Variants in ERBB4 observed in about 807,000 individuals in gnomAD.
ERBB4 encodes receptor tyrosine-protein kinase erbB-4.
Under a neutral mutation model 158.0 loss-of-function variants are expected in ERBB4, and 42 were observed. That is an observed-to-expected ratio of 0.27 (90% confidence interval 0.21 to 0.34). The LOEUF (loss-of-function observed/expected upper bound fraction) is 0.34. Ranked by LOEUF, ERBB4 falls within the 10% of genes least tolerant of loss-of-function variation. The pLI, the probability that ERBB4 is intolerant of heterozygous loss-of-function variation, is 1.00. For synonymous variants in ERBB4, 583 were observed against 558.7 expected, an observed-to-expected ratio of 1.04 and a Z score of -0.61; for missense variants, 1,333 against 1,624.1, an observed-to-expected ratio of 0.82 and a Z score of 3.08.
At chr2:211,732,901 C>T (rs547440392) in intron 5 of ERBB4, among the ~76,000 whole-genome samples, 4 of 152,262 alleles carry the variant, frequency 2.6e-5, no homozygotes, top group East Asian at 3.9e-4. Context: ...CACTTAAACC[C>T]GGGAGGCGGA....
At chr2:212,010,577 T>G (rs947796654) in intron 2 of ERBB4, among the ~76,000 whole-genome samples, 2 of 152,024 alleles carry the variant, frequency 1.3e-5, no homozygotes, top group African/African-American at 4.8e-5. Flanking sequence ...CCAACAAAGA[T>G]CCCAAGGCAA....
rs1321169230 is a variant in ERBB4 at position 211,757,164 on chromosome 2, T to C, written c.557-6460A>G. Among the ~76,000 whole-genome samples, 6 of 152,336 alleles carry C rather than the reference T, an allele frequency of 3.9e-5. 1 individual carries two copies. In the Middle Eastern group the frequency reaches 0.01, roughly 259 times the overall value. The stretch of plus-strand genomic sequence containing the variant: ...GACAATTCTCATTGTCATCTGTTTA[T>C]TTGTATTCACTCTTCTGTTATGTGA... On this transcript the variant is annotated intron_variant, in intron 4 of 27. Coordinates refer to ENST00000342788, the MANE Select transcript of ERBB4 (RefSeq NM_005235.3).
At chr2:211,396,595 C>T (rs1387891367) in intron 25 of ERBB4, among the ~76,000 whole-genome samples, 1 of 152,010 alleles carries the variant, frequency 6.6e-6, no homozygotes, top group Non-Finnish European at 1.5e-5. Context: ...ATGAAGCGCA[C>T]GGTTTGTGTA....
chr2:212,099,358 G>T (rs1013668156), intron 2 of ERBB4, among the ~76,000 whole-genome samples: 1 of 151,898 alleles, frequency 6.6e-6, no homozygotes, highest in Non-Finnish European at 1.5e-5. Context: ...TAAGTCACAT[G>T]CTATCTATCT....
intron 1 of ERBB4, among the ~76,000 whole-genome samples, chr2:212,367,808 A>G (rs2089944493): frequency 1.3e-5 from 2 of 152,148 alleles, no homozygotes; most frequent in African/African-American, 4.8e-5. Flanking sequence ...GGAGATACAA[A>G]TGGCCAACAA....
chr2:212,395,435 A>T (rs1431120385), intron 1 of ERBB4, among the ~76,000 whole-genome samples: 1 of 151,938 alleles, frequency 6.6e-6, no homozygotes, highest in Admixed American at 6.6e-5. Flanking sequence ...GAGGTGTGTC[A>T]CGTAAAGGAT....
chr2:212,080,462 A>G (rs574591898), intron 2 of ERBB4, among the ~76,000 whole-genome samples: 58 of 151,788 alleles, frequency 3.8e-4, no homozygotes, highest in African/African-American at 1.1e-3. Context: ...CCATTTTTTT[A>G]AAAAATAATG....
At chr2:212,450,075 A>C (rs1290411625) in intron 1 of ERBB4, among the ~76,000 whole-genome samples, 1 of 152,184 alleles carries the variant, frequency 6.6e-6, no homozygotes, top group Non-Finnish European at 1.5e-5. Context: ...TTCAGAGGTG[A>C]TGTTGACATG....
intron 1 of ERBB4, among the ~76,000 whole-genome samples, chr2:212,510,089 T>A (rs565216119): frequency 6.6e-6 from 1 of 150,416 alleles, no homozygotes; most frequent in African/African-American, 2.4e-5. Flanking sequence ...AATAGTTACA[T>A]ACAGAACGTT....
At chr2:212,274,880 G>A (rs1462446865) in intron 1 of ERBB4, among the ~76,000 whole-genome samples, 2 of 151,576 alleles carry the variant, frequency 1.3e-5, no homozygotes, top group South Asian at 2.1e-4. Context: ...CCATCAACCC[G>A]TCATCTACAT....
At chr2:212,132,605 G>T (rs899847499) in intron 1 of ERBB4, among the ~76,000 whole-genome samples, 2 of 152,082 alleles carry the variant, frequency 1.3e-5, no homozygotes, top group African/African-American at 2.4e-5. Context: ...AGGTTCTTAA[G>T]TCTTCATATC....
In ERBB4 at chr2:211,679,035, C is replaced by G. The variant is rs2072226914; in HGVS notation, c.1622+17G>C. 6.2e-7 allele frequency: 1 copy of G among 1,602,640 alleles called. No homozygotes were observed. Among genetic ancestry groups the G allele is most frequent in the Admixed American group, 1.7e-5 (1 of 59,574 alleles). ...TCAAAGCTCATGAGGTGAAGGCAAC[C>G]CTAGAAGAAGCCTTACCCATCATAG... On this transcript the variant is annotated intron_variant, in intron 13 of 27. Coordinates refer to ENST00000342788, the MANE Select transcript of ERBB4 (RefSeq NM_005235.3).
chr2:211,978,652 G>T (rs1050031327), intron 2 of ERBB4, among the ~76,000 whole-genome samples: 1 of 152,026 alleles, frequency 6.6e-6, no homozygotes, highest in Non-Finnish European at 1.5e-5. Context: ...ACTTTATATG[G>T]TTAAGAAACA....
At chr2:211,886,017 A>G (rs553680334) in intron 3 of ERBB4, among the ~76,000 whole-genome samples, 4 of 152,316 alleles carry the variant, frequency 2.6e-5, no homozygotes, top group Non-Finnish European at 5.9e-5. Context: ...TACCAATTCA[A>G]ATTATATAAA....
At chr2:211,724,793 A>C (rs1368039003) in intron 6 of ERBB4, among the ~76,000 whole-genome samples, 1 of 152,218 alleles carries the variant, frequency 6.6e-6, no homozygotes, top group Non-Finnish European at 1.5e-5. Context: ...ATTACTGGAA[A>C]GGATGTTATT....
At chr2:212,226,959 C>A (rs1326872150) in intron 1 of ERBB4, among the ~76,000 whole-genome samples, 3 of 152,074 alleles carry the variant, frequency 2.0e-5, no homozygotes, top group Non-Finnish European at 4.4e-5. Flanking sequence ...GAAATATTTT[C>A]ACAGGCCCGG....
intron 3 of ERBB4, among the ~76,000 whole-genome samples, chr2:211,819,777 A>G (rs2076954707): frequency 6.6e-6 from 1 of 151,920 alleles, no homozygotes; most frequent in Non-Finnish European, 1.5e-5. Context: ...TAGAGGTGAA[A>G]AAAACAGTAA....
chr2:212,203,855 A>G (rs10497965), intron 1 of ERBB4, among the ~76,000 whole-genome samples: 84,565 of 151,886 alleles, frequency 0.56, 25,673 homozygotes, highest in African/African-American at 0.79. Context: ...TGACACTAGG[A>G]ATAAAAAAAA....
chr2:212,342,677 C>G (rs2088779260), intron 1 of ERBB4, among the ~76,000 whole-genome samples: 1 of 152,152 alleles, frequency 6.6e-6, no homozygotes, highest in Non-Finnish European at 1.5e-5. Context: ...ACAGTAATTA[C>G]TCATACCTGA....
Sources: gnomAD v4.1 joint callset for allele counts (sites outside exome capture counted in the v4.1 genomes callset) on GRCh38, gnomAD v4.1.1 for gene constraint, MANE v1.5 for transcripts, NCBI Gene and HGNC (gene_info 2026-07-23, HGNC 2026-07-21) for gene names.